The following DNAH11 variants were observed in gnomAD, a reference collection of about 807,000 sequenced individuals.
DNAH11 encodes axonemal beta dynein heavy chain 11.
DNAH11 carries 442 observed loss-of-function variants against 526.0 expected under a neutral mutation model. The observed-to-expected ratio is 0.84, with a 90% CI of 0.78 to 0.91. DNAH11 has a LOEUF of 0.91. Ranked by LOEUF, DNAH11 falls within the 40% of genes least tolerant of loss-of-function variation. The pLI, the probability that DNAH11 is intolerant of heterozygous loss-of-function variation, is 0.00. For missense variants in DNAH11, 6,989 were observed against 5,448.7 expected (o/e 1.28, Z -8.90); for synonymous variants, 2,461 against 1,935.9 (o/e 1.27, Z -7.12).
chr7:21,697,882 AT>A (rs945084871), intron 35 of DNAH11, among the ~76,000 whole-genome samples, 192 bp from the exon 36 acceptor site: 4 of 152,158 alleles, frequency 2.6e-5, no homozygotes, highest in African/African-American at 9.6e-5. Flanking sequence ...ACTTTCTATC[AT>A]TTTTTGTGTC....
intron 30 of DNAH11, among the ~76,000 whole-genome samples, chr7:21,680,462 C>T (rs542878906): frequency 6.6e-6 from 1 of 152,252 alleles, no homozygotes; most frequent in East Asian, 1.9e-4. Flanking sequence ...AAATGACCAC[C>T]TAAGACAGCA....
At chr7:21,799,161 T>C (rs950615330) in intron 61 of DNAH11, among the ~76,000 whole-genome samples, 4 of 152,276 alleles carry the variant, frequency 2.6e-5, no homozygotes, top group Admixed American at 2.6e-4. Flanking sequence ...ATAATGAAGC[T>C]GAAGCATAGA....
At chr7:21,689,691 A>G (rs530729714) in intron 34 of DNAH11, among the ~76,000 whole-genome samples, 1 of 152,046 alleles carries the variant, frequency 6.6e-6, no homozygotes, top group Non-Finnish European at 1.5e-5. Context: ...TATCTTGACT[A>G]TACAAAATCC....
intron 79 of DNAH11, among the ~76,000 whole-genome samples, chr7:21,896,792 C>T (rs117923990): frequency 0.023 from 3,574 of 152,206 alleles, 61 homozygotes; most frequent in Non-Finnish European, 0.035. Flanking sequence ...CCAGGTTGGG[C>T]GCAGTGGCTC....
chr7:21,704,473 A>G lies in DNAH11; in HGVS notation c.6313A>G (p.Ile2105Val). 1 of 1,613,768 alleles carries G rather than the reference A, an allele frequency of 6.2e-7. No homozygotes were observed. The highest frequency in any genetic ancestry group is 1.1e-5 in the South Asian group (1 of 91,048). The change falls in exon 38 of 82, where the codon ATA (isoleucine) becomes GTA (valine). Residue 2105 changes from isoleucine to valine, a missense_variant. Ile to Val is a conservative substitution (Grantham distance 29). Coordinates refer to ENST00000409508, the MANE Select transcript of DNAH11 (RefSeq NM_001277115.2). ...ATTAAGGGATTTCAATATGCCCAAA[A>G]TAGTGACTGACGACATCCCAGTGTT... is the stretch of plus-strand genomic sequence containing the variant. Reference protein sequence around the residue: ...RALRDFNMPKIVTDDIPVFLG... With the variant: ...RALRDFNMPKVVTDDIPVFLG...
intron 2 of DNAH11, among the ~76,000 whole-genome samples, chr7:21,557,011 C>T (rs558715519): frequency 2.6e-5 from 4 of 151,486 alleles, no homozygotes; most frequent in East Asian, 1.9e-4. Flanking sequence ...TGGAGTGACC[C>T]GAGATCTTGC....
At chr7:21,765,796 A>G (rs150126271) in intron 55 of DNAH11, among the ~76,000 whole-genome samples, 88 of 152,238 alleles carry the variant, frequency 5.8e-4, no homozygotes, top group African/African-American at 1.9e-3. Flanking sequence ...TTTCCACCAT[A>G]CATACTGAGG....
rs776924184 is a variant in DNAH11 at position 21,564,373 on chromosome 7, G to A, written c.1170G>A (p.Glu390=). 48 of 1,612,594 alleles carry A rather than the reference G, an allele frequency of 3.0e-5. No homozygotes were observed. In the Admixed American group the frequency reaches 4.8e-4, roughly 16 times the overall value. The change falls in exon 6 of 82, where the codon GAG becomes GAA. Residue 390 remains glutamate, a synonymous_variant. Coordinates refer to ENST00000409508, the MANE Select transcript of DNAH11 (RefSeq NM_001277115.2). ...CTCGGGTTATAGTTTTATTGCAAGA[G>A]TTTTGTAATCTCTTCATTAACCAGG... ...TPARVIVLLQ[E]FCNLFINQAT...
intron 65 of DNAH11, among the ~76,000 whole-genome samples, chr7:21,829,362 C>T (rs925092437): frequency 1.3e-5 from 2 of 152,058 alleles, no homozygotes; most frequent in African/African-American, 4.8e-5. Context: ...AACATGTTGG[C>T]TATCTGAATT....
At chr7:21,833,022 A>G (rs1583750764) in intron 65 of DNAH11, among the ~76,000 whole-genome samples, 1 of 152,322 alleles carries the variant, frequency 6.6e-6, no homozygotes, top group East Asian at 1.9e-4. Flanking sequence ...ACACATACAC[A>G]TACACCACAC....
At chr7:21,592,677 A>G (rs553703512) in intron 14 of DNAH11, among the ~76,000 whole-genome samples, 3 of 152,224 alleles carry the variant, frequency 2.0e-5, no homozygotes, top group Non-Finnish European at 4.4e-5. Flanking sequence ...GTGAGAAATG[A>G]TGCTGCCTTG....
chr7:21,874,141 G>A (rs1783610317), intron 74 of DNAH11, among the ~76,000 whole-genome samples: 1 of 152,050 alleles, frequency 6.6e-6, no homozygotes, highest in African/African-American at 2.4e-5. Flanking sequence ...TCTGACCACA[G>A]AAAGAGAAGA....
chr7:21,886,496 CAT>C (rs1784128212), intron 76 of DNAH11, among the ~76,000 whole-genome samples: 1 of 152,140 alleles, frequency 6.6e-6, no homozygotes, highest in African/African-American at 2.4e-5. Context: ...CAAGATTTCA[CAT>C]GTCAGAGAGA....
intron 55 of DNAH11, among the ~76,000 whole-genome samples, chr7:21,772,367 T>C (rs77719477): frequency 0.1 from 15,640 of 150,570 alleles, 1,323 homozygotes; most frequent in African/African-American, 0.23. Context: ...TTTTTTTTTT[T>C]CCCTTCCTGT....
chr7:21,717,955 C>T (rs1784727934), intron 43 of DNAH11, 30 bp downstream of exon 43: 6 of 1,594,322 alleles, frequency 3.8e-6, no homozygotes, highest in African/African-American at 1.3e-5. Context: ...ATTTAACGTT[C>T]TAGTTCTGAT....
intron 5 of DNAH11, among the ~76,000 whole-genome samples, chr7:21,563,546 G>C (rs556297928): frequency 6.6e-6 from 1 of 151,216 alleles, no homozygotes; most frequent in East Asian, 2.1e-4. Flanking sequence ...TTGTTCTATT[G>C]AAATAAACTT....
Position 21,816,521 on chromosome 7 carries a change from G to A in DNAH11, c.10387G>A (p.Ala3463Thr), listed in dbSNP as rs780346437. 1.9e-5 allele frequency: 30 copies of A among 1,612,198 alleles called. No individual in the cohort carries two copies. In the African/African-American group the frequency reaches 3.6e-4, roughly 19 times the overall value. ...LDLISMLTDD[A>T]TIAAWNNEGL... ...CTTGATATCCATGTTGACGGATGAT[G>A]CTACAATTGCCGCCTGGAATAACGA... is the stretch of plus-strand genomic sequence containing the variant. Residue 3463 changes from alanine to threonine, a missense_variant, in exon 64 of 82, where the codon GCT becomes ACT. Transcript: ENST00000409508.
intron 68 of DNAH11, among the ~76,000 whole-genome samples, chr7:21,859,891 G>A (rs1472895954): frequency 2.6e-5 from 4 of 151,914 alleles, no homozygotes; most frequent in Non-Finnish European, 5.9e-5. Context: ...CAACAACAAC[G>A]ACAACAAAAC....
intron 8 of DNAH11, among the ~76,000 whole-genome samples, chr7:21,579,632 G>A (rs1784234466): frequency 6.6e-6 from 1 of 152,158 alleles, no homozygotes; most frequent in Non-Finnish European, 1.5e-5. Context: ...AGAATAGTTA[G>A]GAGCAGTAAG....
Sources: gnomAD v4.1 joint callset for allele counts (sites outside exome capture counted in the v4.1 genomes callset) on GRCh38, gnomAD v4.1.1 for gene constraint, MANE v1.5 for transcripts, NCBI Gene and HGNC (gene_info 2026-07-23, HGNC 2026-07-21) for gene names.